The following LPAR1 variants were observed in gnomAD, a reference collection of about 807,000 sequenced individuals.
The protein encoded by LPAR1 is lysophosphatidic acid receptor 1, also known as LPA receptor 1.
Under a neutral mutation model 23.8 loss-of-function variants are expected in LPAR1, and 5 were observed. The observed-to-expected ratio is 0.21, with a 90% confidence interval of 0.11 to 0.44. The LOEUF is 0.44. Among genes scored for constraint, LPAR1 ranks in the 20% least tolerant of loss-of-function variants. LPAR1 has a pLI of 0.99. For synonymous variants in LPAR1, 160 were observed against 164.7 expected (o/e 0.97, Z 0.22); for missense variants, 311 against 482.8 (o/e 0.64, Z 3.33).
chr9:110,959,093 G>T (rs537457624), intron 4 of LPAR1, among the ~76,000 whole-genome samples: 6 of 132,332 alleles, frequency 4.5e-5, no homozygotes, highest in African/African-American at 1.7e-4. Context: ...AGAGAAAAGG[G>T]AACTCTTATA....
chr9:110,921,125 C>T (rs1045346556), intron 5 of LPAR1, among the ~76,000 whole-genome samples: 4 of 151,940 alleles, frequency 2.6e-5, no homozygotes, highest in Admixed American at 1.3e-4. Context: ...CAGAGCAAAA[C>T]CCTGTTTCAA....
At chr9:111,005,511 G>A (rs1164635566) in intron 2 of LPAR1, among the ~76,000 whole-genome samples, 2 of 124,352 alleles carry the variant, frequency 1.6e-5, no homozygotes, top group African/African-American at 3.2e-5. Flanking sequence ...TGGCACCACT[G>A]TACTCCAGCC....
rs950611915 is a variant in LPAR1, at chr9:110,906,258, A to G, written c.794-30536T>C. Among the ~76,000 whole-genome samples the G allele has an allele frequency of 4.7e-4, 72 of 152,278 alleles. 1 individual carries two copies. Among genetic ancestry groups the G allele is most frequent in the Middle Eastern group, 6.8e-3 (2 of 294 alleles). On this transcript the variant is annotated intron_variant, in intron 5 of 5. Coordinates refer to ENST00000683809, the MANE Select transcript of LPAR1 (RefSeq NM_001351411.2). ...ATTGCTGGTCCATTCTCTGTCTTCT[A>G]TTATATGTAGGACAATGTTAACCCT...
rs552893689 is a variant in LPAR1, at chr9:110,995,082, G to A, written c.-181-21524C>T. 2.0e-5 allele frequency among the ~76,000 whole-genome samples: 3 copies of A among 152,266 alleles called. No individual in the cohort carries two copies. The East Asian group carries it at 5.8e-4, about 29-fold the overall frequency. On this transcript the variant is annotated intron_variant, in intron 2 of 5. Coordinates refer to ENST00000683809, the MANE Select transcript of LPAR1 (RefSeq NM_001351411.2). ...CAGCAATGTGGCCCTAAGTACTTCT[G>A]TTTCCAGGATACATGTCACATGAGA... is the stretch of plus-strand genomic sequence containing the variant.
intron 2 of LPAR1, among the ~76,000 whole-genome samples, chr9:111,010,405 AT>A (rs2097310975): frequency 6.6e-6 from 1 of 152,106 alleles, no homozygotes; most frequent in African/African-American, 2.4e-5. Context: ...TCTGGCCTCA[AT>A]TTTGATTCTT....
chr9:110,934,194 C>T (rs949607238), intron 5 of LPAR1, among the ~76,000 whole-genome samples: 19 of 152,140 alleles, frequency 1.2e-4, no homozygotes, highest in African/African-American at 4.1e-4. Context: ...AATGTGTAGC[C>T]GGTCACCTGT....
chr9:111,006,306 T>A (rs1432499953), intron 2 of LPAR1, among the ~76,000 whole-genome samples: 3 of 152,182 alleles, frequency 2.0e-5, no homozygotes, highest in Non-Finnish European at 4.4e-5. Flanking sequence ...GCAAGAGCCT[T>A]CCTAGTCAAT....
At chr9:110,955,747 G>A (rs189240281) in intron 4 of LPAR1, among the ~76,000 whole-genome samples, 1 of 146,446 alleles carries the variant, frequency 6.8e-6, no homozygotes. Flanking sequence ...AATTACAAGA[G>A]TAACTTTGGA....
rs930945001 is a variant in LPAR1 at position 110,987,173 on chromosome 9, C to T, written c.-181-13615G>A. Among the ~76,000 whole-genome samples the T allele has an allele frequency of 2.0e-5, 3 of 151,870 alleles. No homozygotes were observed. In the South Asian group the frequency reaches 6.2e-4, roughly 31 times the overall value. ...GAATTTGCTACAAGGATGCTTAATGCAATATCATGTATGATAGGATAATTT... is the reference window on the plus strand; with the variant it reads ...GAATTTGCTACAAGGATGCTTAATGTAATATCATGTATGATAGGATAATTT... On this transcript the variant is annotated intron_variant, in intron 2 of 5. Coordinates refer to ENST00000683809, the MANE Select transcript of LPAR1 (RefSeq NM_001351411.2).
chr9:111,001,650 T>G (rs1422743966), intron 2 of LPAR1, among the ~76,000 whole-genome samples: 2 of 152,232 alleles, frequency 1.3e-5, no homozygotes, highest in African/African-American at 2.4e-5. Context: ...AGCATCATGC[T>G]GGTCTCTTAT....
At chr9:110,887,421 T>C (rs975905300) in intron 5 of LPAR1, among the ~76,000 whole-genome samples, 4 of 152,136 alleles carry the variant, frequency 2.6e-5, no homozygotes, top group African/African-American at 9.6e-5. Context: ...GTGGTCACTG[T>C]CATTCTTTTT....
intron 5 of LPAR1, among the ~76,000 whole-genome samples, chr9:110,936,343 G>C (rs1209978903): frequency 6.6e-6 from 1 of 152,160 alleles, no homozygotes; most frequent in Non-Finnish European, 1.5e-5. Flanking sequence ...GAAAACTATG[G>C]TCTTAAACTT....
At chr9:110,893,239 AT>A (rs1193857950) in intron 5 of LPAR1, among the ~76,000 whole-genome samples, 2 of 152,222 alleles carry the variant, frequency 1.3e-5, no homozygotes, top group Admixed American at 1.3e-4. Flanking sequence ...TAACAATTCC[AT>A]TTTAGAAATG....
rs1330198768 is a variant in LPAR1, at chr9:110,948,776, A to C, written c.46-6608T>G. ...TCCAGGCAGCAGATTGTCAGAGATC[A>C]TGAGGACAGGGCTTTAATACTATTG... On this transcript the variant is annotated intron_variant, in intron 4 of 5. Coordinates refer to ENST00000683809, the MANE Select transcript of LPAR1 (RefSeq NM_001351411.2). 2.6e-5 allele frequency among the ~76,000 whole-genome samples: 4 copies of C among 152,190 alleles called. No individual in the cohort carries two copies. The East Asian group carries it at 7.7e-4, about 29-fold the overall frequency.
chr9:111,030,076 T>C (rs2097769993), intron 2 of LPAR1, among the ~76,000 whole-genome samples: 1 of 149,234 alleles, frequency 6.7e-6, no homozygotes, highest in Admixed American at 6.7e-5. Flanking sequence ...AAAAATTTAG[T>C]GTCCTCAGCC....
At chr9:110,905,380 C>G (rs924984816) in intron 5 of LPAR1, among the ~76,000 whole-genome samples, 29 of 148,136 alleles carry the variant, frequency 2.0e-4, no homozygotes, top group Non-Finnish European at 3.9e-4. Context: ...GGGTCTCGCT[C>G]TATTACGCAG....
intron 4 of LPAR1, among the ~76,000 whole-genome samples, chr9:110,971,067 G>A (rs1335563372): frequency 6.6e-6 from 1 of 152,116 alleles, no homozygotes; most frequent in South Asian, 2.1e-4. Context: ...CCCAGGAGGT[G>A]GAGATTGCAG....
intron 5 of LPAR1, among the ~76,000 whole-genome samples, chr9:110,893,425 T>C (rs1413311724): frequency 2.0e-5 from 3 of 152,204 alleles, no homozygotes; most frequent in Non-Finnish European, 4.4e-5. Flanking sequence ...TTTACCCACA[T>C]GGGAAGATAC....
chr9:111,000,502 G>A (rs969817755), intron 2 of LPAR1, among the ~76,000 whole-genome samples: 18 of 152,174 alleles, frequency 1.2e-4, no homozygotes, highest in African/African-American at 4.3e-4. Flanking sequence ...GGTGCCAGCT[G>A]CTCACTTGCA....
Sources: allele counts gnomAD v4.1 joint callset (sites outside exome capture counted in the v4.1 genomes callset), GRCh38; gene constraint gnomAD v4.1.1; transcripts MANE v1.5; gene names NCBI Gene and HGNC (gene_info 2026-07-23, HGNC 2026-07-21).